The following ATF2 variants were observed in gnomAD, a reference collection of about 807,000 sequenced individuals.
ATF2 encodes cyclic AMP-dependent transcription factor ATF-2.
ATF2 carries 24 observed loss-of-function variants against 60.6 expected under a neutral mutation model. That is an observed-to-expected ratio of 0.40 (90% CI 0.29 to 0.56). ATF2 has a LOEUF of 0.56. ATF2 is among the 20% of genes least tolerant of loss of function. The pLI is 0.54. For synonymous variants in ATF2, 206 were observed against 215.4 expected (o/e 0.96, Z 0.38); for missense variants, 433 against 607.7 (o/e 0.71, Z 3.02).
chr2:175,156,882 A>G (rs538629058), intron 1 of ATF2, among the ~76,000 whole-genome samples: 3 of 152,346 alleles, frequency 2.0e-5, no homozygotes, highest in African/African-American at 7.2e-5. Context: ...ATGAGTCAGA[A>G]ACAGAAAATT....
At chr2:175,100,415 T>G (rs1225345993) in intron 10 of ATF2, among the ~76,000 whole-genome samples, 1 of 152,224 alleles carries the variant, frequency 6.6e-6, no homozygotes. Context: ...AAGGGTCATC[T>G]TAAGCATTGG....
chr2:175,080,204 T>C (rs1353455064), intron 13 of ATF2: 2 of 152,188 alleles, frequency 1.3e-5, no homozygotes, highest in Non-Finnish European at 2.9e-5. Context: ...AATGCTGACA[T>C]TATCTAAGAA....
Position 175,168,143 on chromosome 2 carries a change from G to A in ATF2, c.-236C>T, listed in dbSNP as rs1341802531. 1.3e-5 allele frequency: 2 copies of A among 155,706 alleles called. No individual in the cohort carries two copies. Among genetic ancestry groups the A allele is most frequent in the African/African-American group, 2.4e-5 (1 of 41,490 alleles). The allele number at this position is 155,706 out of a possible 1,614,324, so 9.6% of individuals were successfully genotyped here. ...GCACCCCTGGAGGAAAAGGCTGAAC[G>A]GCACTTTAAAGGCCACGGGCTCCCA... On this transcript the variant is annotated 5_prime_UTR_variant, in exon 1 of 14. Coordinates refer to ENST00000264110, the MANE Select transcript of ATF2 (RefSeq NM_001880.4).
chr2:175,105,310 GCC>G (rs34755587), intron 10 of ATF2, among the ~76,000 whole-genome samples: 4 of 144,682 alleles, frequency 2.8e-5, no homozygotes, highest in East Asian at 2.0e-4. Context: ...ATTAAAATCT[GCC>G]CCCCCCCCAA....
chr2:175,159,721 T>C (rs1354380996), intron 1 of ATF2, among the ~76,000 whole-genome samples: 1 of 152,220 alleles, frequency 6.6e-6, no homozygotes, highest in Non-Finnish European at 1.5e-5. Context: ...TGATTATTCC[T>C]AGGCAATGTA....
intron 13 of ATF2, among the ~76,000 whole-genome samples, chr2:175,075,613 T>G (rs1214036453): frequency 6.6e-6 from 1 of 152,098 alleles, no homozygotes; most frequent in South Asian, 2.1e-4. Flanking sequence ...TTAGTAAAAA[T>G]TTGATATAGA....
chr2:175,078,221 T>C (rs1406639516), intron 13 of ATF2, among the ~76,000 whole-genome samples: 1 of 152,192 alleles, frequency 6.6e-6, no homozygotes, highest in Non-Finnish European at 1.5e-5. Context: ...TCTTCCCGCC[T>C]TGGCCTCCCA....
In ATF2 at chr2:175,094,922, A is replaced by T. The variant is rs112199522; in HGVS notation, c.979-1655T>A. ...CGCACCACTGTACTCCGCATGGGCA[A>T]CAGAGGAAGATCCCGTCTCAAAAAA... On this transcript the variant is annotated intron_variant, in intron 11 of 13. Coordinates refer to ENST00000264110, the MANE Select transcript of ATF2 (RefSeq NM_001880.4). Among the ~76,000 whole-genome samples the T allele has an allele frequency of 8.2e-3, 1,243 of 152,268 alleles. 13 individuals carry two copies. Among genetic ancestry groups the T allele is most frequent in the African/African-American group, 0.028 (1,181 of 41,554 alleles).
At chr2:175,108,315 G>C (rs1207326309) in intron 10 of ATF2, among the ~76,000 whole-genome samples, 1 of 151,892 alleles carries the variant, frequency 6.6e-6, no homozygotes, top group African/African-American at 2.4e-5. Flanking sequence ...CCGTCCGGGA[G>C]GGAGGTGGGG....
chr2:175,163,720 C>T (rs995902531), intron 1 of ATF2, among the ~76,000 whole-genome samples: 1 of 150,802 alleles, frequency 6.6e-6, no homozygotes, highest in African/African-American at 2.4e-5. Flanking sequence ...GAGGCAGGTT[C>T]GAGACCAGCC....
chr2:175,150,983 A>G (rs1361586166), intron 2 of ATF2, 77 bp downstream of exon 2: 1 of 152,588 alleles, frequency 6.6e-6, no homozygotes, highest in Non-Finnish European at 1.5e-5. Context: ...GGAAACATCT[A>G]CTAAATTCGG....
At chr2:175,092,949 C>G (rs995838682) in intron 12 of ATF2, 112 bp downstream of exon 12, 3 of 1,072,134 alleles carry the variant, frequency 2.8e-6, no homozygotes, top group African/African-American at 3.2e-5. Flanking sequence ...AGATTCCATA[C>G]ACACCCAATA....
intron 1 of ATF2, among the ~76,000 whole-genome samples, chr2:175,154,232 A>T (rs1040844909): frequency 7.0e-4 from 100 of 142,974 alleles, no homozygotes; most frequent in South Asian, 6.1e-3. Flanking sequence ...AAAGAAAAAA[A>T]AAATATATAT....
At chr2:175,148,176 T>C (rs1282502639) in intron 2 of ATF2, among the ~76,000 whole-genome samples, 3 of 152,122 alleles carry the variant, frequency 2.0e-5, no homozygotes, top group African/African-American at 7.2e-5. Context: ...CAACTATGTC[T>C]TGTGATTGGA....
chr2:175,114,119 C>T lies in ATF2; in HGVS notation c.627-11G>A. 1.9e-6 allele frequency: 3 copies of T among 1,559,662 alleles called. No individual in the cohort carries two copies. Among genetic ancestry groups the T allele is most frequent in the South Asian group, 1.2e-5 (1 of 83,018 alleles). The stretch of plus-strand genomic sequence containing the variant: ...GGGCCTGGTACAGGGCTAAGAAAAA[C>T]AAAAGAAGAGAAATTTTAAAAAAGA... On this transcript the variant is annotated splice_polypyrimidine_tract_variant and intron_variant, in intron 8 of 13. Coordinates refer to ENST00000264110, the MANE Select transcript of ATF2 (RefSeq NM_001880.4).
chr2:175,158,559 A>C (rs1434966303), intron 1 of ATF2, among the ~76,000 whole-genome samples: 1 of 152,120 alleles, frequency 6.6e-6, no homozygotes, highest in African/African-American at 2.4e-5. Flanking sequence ...AAGCTTCCTG[A>C]TCCTACGGCA....
At chr2:175,151,266 A>G (rs910720966) in intron 1 of ATF2, 108 bp from the exon 2 acceptor site, 2 of 152,116 alleles carry the variant, frequency 1.3e-5, no homozygotes, top group Non-Finnish European at 2.9e-5. Flanking sequence ...TGTTTTCTTA[A>G]TATTTCAAAA....
Position 175,137,438 on chromosome 2 carries a change from G to T in ATF2, c.-43-952C>A, listed in dbSNP as rs565452686. On this transcript the variant is annotated intron_variant, in intron 2 of 13. Coordinates refer to ENST00000264110, the MANE Select transcript of ATF2 (RefSeq NM_001880.4). ...CAAGTAGAATATGAGCTCCATGAGGGCAAGGAACTTATCTTTGGGTTAACA... is the reference window on the plus strand; with the variant it reads ...CAAGTAGAATATGAGCTCCATGAGGTCAAGGAACTTATCTTTGGGTTAACA... 6.6e-5 allele frequency among the ~76,000 whole-genome samples: 10 copies of T among 152,122 alleles called. No homozygotes were observed. In the South Asian group the frequency reaches 1.2e-3, roughly 19 times the overall value.
intron 4 of ATF2, 150 bp downstream of exon 4, chr2:175,129,988 C>T (rs1697614810): frequency 1.8e-6 from 1 of 547,126 alleles, no homozygotes; most frequent in Non-Finnish European, 3.0e-6. Flanking sequence ...AGCAGAATTT[C>T]TTGCCAAAAG....
Sources: allele counts gnomAD v4.1 joint callset (sites outside exome capture counted in the v4.1 genomes callset), GRCh38; gene constraint gnomAD v4.1.1; transcripts MANE v1.5; gene names NCBI Gene and HGNC (gene_info 2026-07-23, HGNC 2026-07-21).